Variants in ZFHX3 observed in about 807,000 individuals in gnomAD.
ZFHX3 encodes zinc finger homeobox 3, also known as zinc finger homeobox protein 3.
Under a neutral mutation model 279.1 loss-of-function variants are expected in ZFHX3, and 42 were observed. That is an observed-to-expected ratio of 0.15 (90% CI 0.12 to 0.19). The LOEUF (loss-of-function observed/expected upper bound fraction) is 0.19. Ranked by LOEUF, ZFHX3 falls within the 10% of genes least tolerant of loss-of-function variation. The pLI, the probability that ZFHX3 is intolerant of heterozygous loss-of-function variation, is 1.00. For synonymous variants in ZFHX3, 2,293 were observed against 1,957.8 expected (o/e 1.17, Z -4.52); for missense variants, 4,981 against 4,754.0 (o/e 1.05, Z -1.40).
chr16:73,545,290 T>C (rs932730720), intron 2 of ZFHX3, among the ~76,000 whole-genome samples: 2 of 152,230 alleles, frequency 1.3e-5, no homozygotes, highest in African/African-American at 2.4e-5. Context: ...TCTCTTTCCT[T>C]TTCTTCTCAG....
intron 5 of ZFHX3, among the ~76,000 whole-genome samples, chr16:73,173,216 G>T (rs1003966855): frequency 6.6e-6 from 1 of 151,960 alleles, no homozygotes; most frequent in African/African-American, 2.4e-5. Context: ...AGCAGTTCTT[G>T]CTGTTTCTTT....
chr16:72,919,113 G>C (rs1409879859), intron 3 of ZFHX3, among the ~76,000 whole-genome samples: 1 of 151,850 alleles, frequency 6.6e-6, no homozygotes, highest in East Asian at 1.9e-4. Context: ...CCTAATCCAG[G>C]CTCACAGGAT....
chr16:73,251,553 C>T (rs1414848700), intron 5 of ZFHX3, among the ~76,000 whole-genome samples: 4 of 152,122 alleles, frequency 2.6e-5, no homozygotes, highest in Non-Finnish European at 5.9e-5. Flanking sequence ...GTCGCTACAC[C>T]GTGACCCCAG....
At chr16:73,675,506 A>G (rs1044027755) in intron 2 of ZFHX3, among the ~76,000 whole-genome samples, 1 of 151,978 alleles carries the variant, frequency 6.6e-6, no homozygotes, top group African/African-American at 2.4e-5. Flanking sequence ...GTATCTATAT[A>G]CCCCAGTAAA....
intron 5 of ZFHX3, 66 bp downstream of exon 5, chr16:72,829,713 G>C: frequency 5.7e-6 from 9 of 1,565,644 alleles, no homozygotes; most frequent in Non-Finnish European, 7.9e-6. Flanking sequence ...TTCCAGGGAA[G>C]GAAAGATGAG....
At chr16:73,633,239 G>A (rs977457645) in intron 2 of ZFHX3, among the ~76,000 whole-genome samples, 1 of 152,172 alleles carries the variant, frequency 6.6e-6, no homozygotes, top group African/African-American at 2.4e-5. Flanking sequence ...AATTGAGAAG[G>A]AGAAACCACC....
chr16:73,463,954 T>C (rs1387350627), intron 2 of ZFHX3, among the ~76,000 whole-genome samples: 2 of 152,210 alleles, frequency 1.3e-5, no homozygotes, highest in African/African-American at 4.8e-5. Flanking sequence ...TATTAAAACG[T>C]CTACCATGCC....
intron 1 of ZFHX3, among the ~76,000 whole-genome samples, chr16:73,681,994 C>T (rs2053014637): frequency 6.6e-6 from 1 of 152,052 alleles, no homozygotes; most frequent in African/African-American, 2.4e-5. Context: ...ATCAAGTGAG[C>T]TCACGTACAT....
At chr16:73,253,520 C>T (rs2144959593) in intron 5 of ZFHX3, among the ~76,000 whole-genome samples, 1 of 149,766 alleles carries the variant, frequency 6.7e-6, no homozygotes, top group East Asian at 2.0e-4. Flanking sequence ...GGCATGATCT[C>T]GGCTCACTGC....
chr16:72,852,650 C>G (rs767401099), intron 4 of ZFHX3, among the ~76,000 whole-genome samples: 8 of 152,158 alleles, frequency 5.3e-5, no homozygotes, highest in Non-Finnish European at 8.8e-5. Flanking sequence ...CTTGATGACT[C>G]CTCATAGAAG....
intron 3 of ZFHX3, among the ~76,000 whole-genome samples, chr16:73,361,303 G>C (rs1352122296): frequency 6.6e-6 from 1 of 152,250 alleles, no homozygotes; most frequent in African/African-American, 2.4e-5. Context: ...AGCAAGAAGA[G>C]GCTTGATAGG....
chr16:72,834,731 C>T (rs192380883), intron 4 of ZFHX3, among the ~76,000 whole-genome samples: 1 of 152,148 alleles, frequency 6.6e-6, no homozygotes, highest in East Asian at 1.9e-4. Flanking sequence ...CACCACAAAG[C>T]CAGCATTCAA....
intron 8 of ZFHX3, among the ~76,000 whole-genome samples, chr16:73,078,242 G>A (rs932389518): frequency 1.3e-5 from 2 of 152,164 alleles, no homozygotes; most frequent in African/African-American, 2.4e-5. Context: ...CACCCTTCCT[G>A]AAATCTCAGG....
chr16:72,800,734 A>C (rs953069480), intron 7 of ZFHX3, among the ~76,000 whole-genome samples: 10 of 150,156 alleles, frequency 6.7e-5, no homozygotes, highest in African/African-American at 1.5e-4. Flanking sequence ...AAGCACAAAC[A>C]AGCCTTTTTT....
At chr16:72,938,297 C>T (rs931063173) in intron 3 of ZFHX3, among the ~76,000 whole-genome samples, 1 of 152,254 alleles carries the variant, frequency 6.6e-6, no homozygotes, top group Non-Finnish European at 1.5e-5. Context: ...CTCAGCAACG[C>T]AGGGCGTGTG....
chr16:73,651,698 A>C (rs1369293484), intron 2 of ZFHX3, among the ~76,000 whole-genome samples: 1 of 136,778 alleles, frequency 7.3e-6, no homozygotes, highest in East Asian at 2.0e-4. Flanking sequence ...AAAAAAAAAA[A>C]AAAAAAAAAA....
At chr16:73,107,680 T>C (rs1315690278) in intron 7 of ZFHX3, among the ~76,000 whole-genome samples, 1 of 152,186 alleles carries the variant, frequency 6.6e-6, no homozygotes, top group East Asian at 1.9e-4. Flanking sequence ...ACCACGCGTA[T>C]TTGGTTTGGA....
At chr16:73,028,723 A>G (rs1488548461) in intron 1 of ZFHX3, among the ~76,000 whole-genome samples, 1 of 152,182 alleles carries the variant, frequency 6.6e-6, no homozygotes, top group Non-Finnish European at 1.5e-5. Flanking sequence ...CTCCGGGCCC[A>G]TCCCTGGGAA....
chr16:73,176,352 C>A (rs1968370634), intron 5 of ZFHX3, among the ~76,000 whole-genome samples: 2 of 152,172 alleles, frequency 1.3e-5, no homozygotes, highest in South Asian at 4.1e-4. Context: ...TCTTACAGTG[C>A]TACCTGAAAG....
Sources: gnomAD v4.1 joint callset for allele counts (sites outside exome capture counted in the v4.1 genomes callset) on GRCh38, gnomAD v4.1.1 for gene constraint, MANE v1.5 for transcripts, NCBI Gene and HGNC (gene_info 2026-07-23, HGNC 2026-07-21) for gene names.